CEPT1: variants seen among roughly 807,000 people sequenced by gnomAD.
CEPT1 encodes choline/ethanolaminephosphotransferase 1.
In CEPT1, 7 loss-of-function variants were observed where a neutral mutation model predicts 42.6. That is an observed-to-expected ratio of 0.16 (90% confidence interval 0.09 to 0.31). The LOEUF is 0.31. CEPT1 is among the 10% of genes least tolerant of loss of function. The pLI, the probability that CEPT1 is intolerant of heterozygous loss-of-function variation, is 1.00. For missense variants in CEPT1, 306 were observed against 502.1 expected (o/e 0.61, Z 3.73); for synonymous variants, 171 against 171.9 (o/e 0.99, Z 0.04).
chr1:111,169,710 T>G (rs77503743), intron 4 of CEPT1, among the ~76,000 whole-genome samples: 3,549 of 152,302 alleles, frequency 0.023, 141 homozygotes, highest in African/African-American at 0.08. Context: ...TTATGAAGTT[T>G]CGAAAAAAAC....
chr1:111,159,121 T>C lies in CEPT1; in HGVS notation c.340-259T>C, dbSNP rs530940957. ...GTAGAGACGGGGTTTCACCGTTTTT[T>C]AGCCGGGATGGTCTCGATCTCCTGA... On this transcript the variant is annotated intron_variant, in intron 2 of 8. Transcript: ENST00000357172. 8.0e-5 allele frequency among the ~76,000 whole-genome samples: 12 copies of C among 149,986 alleles called. No individual in the cohort carries two copies. The East Asian group carries it at 2.3e-3, about 29-fold the overall frequency.
chr1:111,183,239 A>G (rs893281045), intron 7 of CEPT1, among the ~76,000 whole-genome samples: 1 of 152,142 alleles, frequency 6.6e-6, no homozygotes, highest in Non-Finnish European at 1.5e-5. Context: ...TGGACACTCA[A>G]ATTAAGGCTT....
At chr1:111,182,618 A>G (rs1657045049) in intron 6 of CEPT1, 181 bp from the exon 7 acceptor site, 1 of 608,610 alleles carries the variant, frequency 1.6e-6, no homozygotes, top group South Asian at 2.4e-5. Context: ...GTTTGTGCCT[A>G]ATGAATTTAT....
At chr1:111,148,290 G>A (rs1218067477) in intron 2 of CEPT1, among the ~76,000 whole-genome samples, 6 of 149,998 alleles carry the variant, frequency 4.0e-5, no homozygotes. Context: ...GGATTAACAT[G>A]TAAAATGTTC....
At chr1:111,170,187 T>TA (rs1343611355) in intron 4 of CEPT1, among the ~76,000 whole-genome samples, 3 of 152,212 alleles carry the variant, frequency 2.0e-5, no homozygotes, top group Non-Finnish European at 4.4e-5. Context: ...TTTTGGGTCT[T>TA]ATTGTTTTCA....
intron 1 of CEPT1, among the ~76,000 whole-genome samples, chr1:111,143,797 G>C (rs1284721423): frequency 6.6e-6 from 1 of 152,018 alleles, no homozygotes; most frequent in Non-Finnish European, 1.5e-5. Flanking sequence ...GAGTACAGTG[G>C]CGTGATCATG....
chr1:111,152,291 C>G (rs2101262934), intron 2 of CEPT1, among the ~76,000 whole-genome samples: 1 of 151,658 alleles, frequency 6.6e-6, no homozygotes, highest in African/African-American at 2.4e-5. Context: ...ACCATAATTT[C>G]ACTGCCCAGT....
At chr1:111,150,964 T>G (rs1329367549) in intron 2 of CEPT1, among the ~76,000 whole-genome samples, 1 of 152,206 alleles carries the variant, frequency 6.6e-6, no homozygotes, top group Non-Finnish European at 1.5e-5. Context: ...AATATACTTG[T>G]GTTCACCTTG....
chr1:111,157,945 T>G (rs1441966014), intron 2 of CEPT1, among the ~76,000 whole-genome samples: 1 of 152,204 alleles, frequency 6.6e-6, no homozygotes, highest in Admixed American at 6.5e-5. Flanking sequence ...AAAAAGTATT[T>G]TATAGCCTGG....
At chr1:111,154,637 CTTG>C (rs754600722) in intron 2 of CEPT1, among the ~76,000 whole-genome samples, 7 of 152,048 alleles carry the variant, frequency 4.6e-5, no homozygotes, top group Admixed American at 1.3e-4. Flanking sequence ...ATATATGGTC[CTTG>C]TTGTGTTGAG....
rs199798880 is a variant in CEPT1, at chr1:111,151,229, AT to A, written c.339+3179del. Among the ~76,000 whole-genome samples the A allele has an allele frequency of 7.0e-3, 1,050 of 150,620 alleles. 14 individuals are homozygous for A. The highest frequency in any genetic ancestry group is 0.021 in the African/African-American group (874 of 40,908). On this transcript the variant is annotated intron_variant, in intron 2 of 8. Coordinates refer to ENST00000357172, the MANE Select transcript of CEPT1 (RefSeq NM_006090.5). ...AACCTCCACCTCCCTGGTTCAAGCG[AT>A]TTCTCCTGCCTCAGCCTCCCGAATA...
chr1:111,161,492 A>G (rs1038619610), intron 4 of CEPT1, among the ~76,000 whole-genome samples, 196 bp downstream of exon 4: 1 of 152,170 alleles, frequency 6.6e-6, no homozygotes, highest in Non-Finnish European at 1.5e-5. Context: ...AAAAGGAGAT[A>G]TCAGAACCTC....
At chr1:111,182,453 T>C in intron 6 of CEPT1, 135 bp downstream of exon 6, 6 of 969,848 alleles carry the variant, frequency 6.2e-6, no homozygotes, top group Non-Finnish European at 9.1e-6. Context: ...AAACTAATGT[T>C]CAAAACTTCA....
chr1:111,159,816 A>C (rs1655777344), intron 3 of CEPT1: 2 of 244,316 alleles, frequency 8.2e-6, no homozygotes, highest in African/African-American at 4.7e-5. Flanking sequence ...GAACTAAATG[A>C]GAGTACAGTG....
chr1:111,140,466 CCTCGCGCGCGGGGTTGT>C (rs1252283848), intron 1 of CEPT1, 159 bp downstream of exon 1: 1 of 152,538 alleles, frequency 6.6e-6, no homozygotes, highest in African/African-American at 2.4e-5. Context: ...CGCAGGGTGG[CCTCGCGCGCGGGGTTGT>C]GGGGAGGCGA....
intron 4 of CEPT1, among the ~76,000 whole-genome samples, chr1:111,166,862 A>C (rs1037953514): frequency 6.6e-6 from 1 of 152,198 alleles, no homozygotes; most frequent in African/African-American, 2.4e-5. Context: ...CTGCCTACTT[A>C]AAAGTCATTT....
intron 2 of CEPT1, among the ~76,000 whole-genome samples, chr1:111,156,417 T>C (rs979304208): frequency 9.2e-5 from 14 of 152,304 alleles, no homozygotes; most frequent in Middle Eastern, 3.4e-3. Flanking sequence ...GTCTGTTAGG[T>C]CCATTTGGTC....
At chr1:111,148,704 T>A (rs1040789103) in intron 2 of CEPT1, among the ~76,000 whole-genome samples, 1 of 152,242 alleles carries the variant, frequency 6.6e-6, no homozygotes, top group Non-Finnish European at 1.5e-5. Context: ...TTACCCTCTA[T>A]TACCCTCTGT....
intron 5 of CEPT1, among the ~76,000 whole-genome samples, chr1:111,177,620 T>C (rs1355638964): frequency 6.6e-6 from 1 of 152,090 alleles, no homozygotes; most frequent in Non-Finnish European, 1.5e-5. Context: ...TTTTCCATTA[T>C]GATTTATACA....
Sources: allele counts gnomAD v4.1 joint callset (sites outside exome capture counted in the v4.1 genomes callset), GRCh38; gene constraint gnomAD v4.1.1; transcripts MANE v1.5; gene names NCBI Gene and HGNC (gene_info 2026-07-23, HGNC 2026-07-21).